The following CEP83 variants were observed in gnomAD, a reference collection of about 807,000 sequenced individuals.
CEP83 encodes centrosomal protein of 83 kDa.
In CEP83, 70 loss-of-function variants were observed where a neutral mutation model predicts 101.9. The ratio of observed to expected loss-of-function variants is 0.69; its 90% confidence interval spans 0.57 to 0.84. CEP83 has a LOEUF of 0.84. Ranked by LOEUF, CEP83 falls within the 40% of genes least tolerant of loss-of-function variation. The pLI, the probability that CEP83 is intolerant of heterozygous loss-of-function variation, is 0.00. For missense variants in CEP83, 715 were observed against 787.2 expected, an observed-to-expected ratio of 0.91 and a Z score of 1.10; for synonymous variants, 264 against 267.9, an observed-to-expected ratio of 0.99 and a Z score of 0.14.
In CEP83 at chr12:94,401,687, G is replaced by A. The variant is rs191210365; in HGVS notation, c.418-706C>T. On this transcript the variant is annotated intron_variant, in intron 5 of 16. Coordinates refer to ENST00000397809, the MANE Select transcript of CEP83 (RefSeq NM_016122.3). ...ATACCCAGCTCACCATAAATCTTTA[G>A]TTCAAAGATTTCTAAGCCAGTTTGT... Among the ~76,000 whole-genome samples the A allele has an allele frequency of 2.0e-5, 3 of 152,178 alleles. No homozygotes were observed. The East Asian group carries it at 5.8e-4, about 29-fold the overall frequency.
the CEP83 span, among the ~76,000 whole-genome samples, chr12:94,290,264 A>G: frequency 6.6e-6 from 1 of 152,362 alleles, no homozygotes; most frequent in South Asian, 2.1e-4. Context: ...TTTTGTAACT[A>G]TGTTCAAAGC....
chr12:94,324,545 C>A (rs2058888347), intron 14 of CEP83, among the ~76,000 whole-genome samples: 1 of 152,100 alleles, frequency 6.6e-6, no homozygotes, highest in South Asian at 2.1e-4. Context: ...TGTGGGGAGT[C>A]TGAGGACAAT....
rs2062530171 is a variant in CEP83, at chr12:94,391,471, G to A, written c.549+9379C>T. ...CCAAGCCTCCCTTACAAGAGCTCCTGAAGGAAGCACTAAACATGGAAAGAA... is the reference window on the plus strand; with the variant it reads ...CCAAGCCTCCCTTACAAGAGCTCCTAAAGGAAGCACTAAACATGGAAAGAA... On this transcript the variant is annotated intron_variant, in intron 6 of 16. Transcript: ENST00000397809. 2.0e-5 allele frequency among the ~76,000 whole-genome samples: 3 copies of A among 152,248 alleles called. No homozygotes were observed. The South Asian group carries it at 6.2e-4, about 32-fold the overall frequency.
intron 11 of CEP83, among the ~76,000 whole-genome samples, chr12:94,351,880 G>T (rs1325719823): frequency 1.3e-5 from 2 of 152,136 alleles, no homozygotes; most frequent in Admixed American, 6.5e-5. Flanking sequence ...AAAGACATGA[G>T]ATTCATTCTA....
At chr12:94,412,212 A>G (rs978479778) in intron 3 of CEP83, 106 bp downstream of exon 3, 3 of 910,100 alleles carry the variant, frequency 3.3e-6, no homozygotes, top group African/African-American at 3.5e-5. Context: ...AAATGTATAC[A>G]TTGCAAAATA....
intron 6 of CEP83, among the ~76,000 whole-genome samples, chr12:94,391,713 T>A (rs1024787466): frequency 1.3e-5 from 2 of 151,968 alleles, no homozygotes; most frequent in African/African-American, 4.8e-5. Context: ...GACCCATCAG[T>A]GTGCTGTATT....
chr12:94,362,906 C>A (rs2060840405), intron 11 of CEP83, among the ~76,000 whole-genome samples: 1 of 151,712 alleles, frequency 6.6e-6, no homozygotes, highest in African/African-American at 2.4e-5. Flanking sequence ...GTATGGAGGA[C>A]AATTGTTAAT....
At chr12:94,333,432 G>A (rs1290692023) in intron 13 of CEP83, 50 bp downstream of exon 13, 1 of 1,508,714 alleles carries the variant, frequency 6.6e-7, no homozygotes, top group Non-Finnish European at 9.0e-7. Context: ...ATAAGTACAT[G>A]TTATATAGAA....
At chr12:94,387,947 G>A (rs2062252521) in intron 6 of CEP83, among the ~76,000 whole-genome samples, 1 of 152,086 alleles carries the variant, frequency 6.6e-6, no homozygotes, top group South Asian at 2.1e-4. Context: ...TGCTAGCAAG[G>A]CTGCAGAAAA....
intron 11 of CEP83, among the ~76,000 whole-genome samples, chr12:94,365,913 C>T (rs993488223): frequency 6.6e-6 from 1 of 152,028 alleles, no homozygotes; most frequent in Admixed American, 6.6e-5. Flanking sequence ...TAATCTGAAG[C>T]AGTTTCCAGG....
chr12:94,322,734 G>C (rs2058802334), intron 14 of CEP83, among the ~76,000 whole-genome samples: 1 of 152,146 alleles, frequency 6.6e-6, no homozygotes, highest in South Asian at 2.1e-4. Flanking sequence ...CTGTACCAGG[G>C]GATCACTCCA....
At chr12:94,380,375 T>C (rs1432882565) in intron 6 of CEP83, among the ~76,000 whole-genome samples, 1 of 152,170 alleles carries the variant, frequency 6.6e-6, no homozygotes, top group African/African-American at 2.4e-5. Context: ...AGACAAATAT[T>C]ATTTTGCAGA....
At position 94,378,850 on chromosome 12, in the gene CEP83, C is replaced by T. The variant is rs2061686704; in HGVS notation, c.742G>A (p.Ala248Thr). The T allele has an allele frequency of 6.2e-7, 1 of 1,614,080 alleles. No individual in the cohort carries two copies. ...AACTGCCGCACCTGTATTCTTTGGG[C>T]ATTTTCCACCTGAGCCTCAGAATTC... The part of the protein sequence containing the change: ...KENSEAQVEN[A>T]QRIQVRQLAE... Residue 248 changes from alanine (A) to threonine (T), a missense_variant, in exon 7 of 17, where the codon GCC (alanine) becomes ACC (threonine). Physicochemically the swap from Ala to Thr is moderately conservative, Grantham distance 58. Transcript: ENST00000397809.
At chr12:94,275,234 A>C in the CEP83 span, among the ~76,000 whole-genome samples, 1 of 152,180 alleles carries the variant, frequency 6.6e-6, no homozygotes, top group East Asian at 1.9e-4. Flanking sequence ...TTGTCTCTGA[A>C]ATTTATCATG....
chr12:94,289,281 T>C, the CEP83 span, among the ~76,000 whole-genome samples: 3 of 152,174 alleles, frequency 2.0e-5, no homozygotes, highest in South Asian at 4.1e-4. Context: ...ATTCTAATGA[T>C]GGGAAAGTCT....
chr12:94,443,610 A>C (rs1228303989), intron 1 of CEP83, among the ~76,000 whole-genome samples: 1 of 152,046 alleles, frequency 6.6e-6, no homozygotes, highest in Non-Finnish European at 1.5e-5. Flanking sequence ...CTCCTGCCTC[A>C]GCCTCCCGAG....
At chr12:94,346,900 C>T (rs563387907) in intron 11 of CEP83, among the ~76,000 whole-genome samples, 56 of 152,110 alleles carry the variant, frequency 3.7e-4, no homozygotes, top group Non-Finnish European at 5.6e-4. Flanking sequence ...TAGCCAGGCA[C>T]GGTGCCATGC....
In CEP83 at chr12:94,331,939, T is replaced by C. The variant is rs1213585120; in HGVS notation, c.1578-110A>G. ...CTACCTGTCTGACCACATTCTTAATTATCCAACTGCAGGCCCTCCTGTATG... is the reference window on the plus strand; with the variant it reads ...CTACCTGTCTGACCACATTCTTAATCATCCAACTGCAGGCCCTCCTGTATG... On this transcript the variant is annotated intron_variant, in intron 13 of 16. Transcript: ENST00000397809. 5 of 965,132 alleles carry C rather than the reference T, an allele frequency of 5.2e-6. No individual in the cohort carries two copies. In the East Asian group the frequency reaches 1.3e-4, roughly 24 times the overall value. 59.8% of individuals were successfully genotyped at this position (965,132 alleles called of 1,614,324 possible). A position where few individuals can be genotyped will look rare whatever the true frequency, so the allele number is the denominator to read the frequency against.
the CEP83 span, among the ~76,000 whole-genome samples, chr12:94,285,338 G>A: frequency 6.6e-6 from 1 of 152,228 alleles, no homozygotes; most frequent in South Asian, 2.1e-4. Flanking sequence ...CTTAGACAAT[G>A]GCCAGGGACA....
Sources: allele counts gnomAD v4.1 joint callset (sites outside exome capture counted in the v4.1 genomes callset), GRCh38; gene constraint gnomAD v4.1.1; transcripts MANE v1.5; gene names NCBI Gene and HGNC (gene_info 2026-07-23, HGNC 2026-07-21).